The following DCAF12 variants were observed in gnomAD, a reference collection of about 807,000 sequenced individuals.
DCAF12 encodes the protein DDB1- and CUL4-associated factor 12.
Under a neutral mutation model 52.8 loss-of-function variants are expected in DCAF12, and 28 were observed. That is an observed-to-expected ratio of 0.53 (90% CI 0.39 to 0.73). DCAF12 has a LOEUF of 0.73. Among genes scored for constraint, DCAF12 ranks in the 30% least tolerant of loss-of-function variants. The pLI is 0.00. For synonymous variants in DCAF12, 196 were observed against 215.5 expected (o/e 0.91, Z 0.79); for missense variants, 425 against 552.2 (o/e 0.77, Z 2.31).
In DCAF12 at chr9:34,107,549, A is replaced by C; in HGVS notation, c.350T>G (p.Val117Gly). The C allele has an allele frequency of 1.2e-6, 2 of 1,614,128 alleles. No individual in the cohort carries two copies. ...TKCNTLFVVD[V>G]QTSQITKIPI... ...GATCTTGGTGATCTGGCTTGTCTGG[A>C]CATCTACGACAAATAGCTACAAGAA... The change falls in exon 3 of 9, where the codon GTC becomes GGC. Residue 117 changes from valine to glycine, a missense_variant. Val to Gly is a moderately radical substitution (Grantham distance 109). Coordinates refer to ENST00000361264, the MANE Select transcript of DCAF12 (RefSeq NM_015397.4).
At chr9:34,102,640 C>T (rs1828846856) in intron 4 of DCAF12, among the ~76,000 whole-genome samples, 1 of 146,000 alleles carries the variant, frequency 6.8e-6, no homozygotes, top group Admixed American at 7.1e-5. Flanking sequence ...ATGACAGAGA[C>T]TCCATCTCAA....
intron 2 of DCAF12, among the ~76,000 whole-genome samples, chr9:34,116,963 C>T (rs1050505909): frequency 6.6e-6 from 1 of 152,168 alleles, no homozygotes; most frequent in Non-Finnish European, 1.5e-5. Flanking sequence ...TGGGCAATAG[C>T]GCGAGACTCC....
intron 7 of DCAF12, among the ~76,000 whole-genome samples, chr9:34,091,693 C>T (rs1828647727): frequency 6.7e-6 from 1 of 148,294 alleles, no homozygotes; most frequent in Non-Finnish European, 1.5e-5. Flanking sequence ...AGCTACTTTG[C>T]AGTATCTGCA....
chr9:34,125,690 C>T (rs1227219318), intron 1 of DCAF12: 1 of 411,704 alleles, frequency 2.4e-6, no homozygotes, highest in Non-Finnish European at 5.2e-6. Context: ...TCCAAGGAGC[C>T]AGACCTGGCT....
At chr9:34,091,639 CAAAAAAAAAAAAA>C (rs34922785) in intron 7 of DCAF12, among the ~76,000 whole-genome samples, 1 of 80,508 alleles carries the variant, frequency 1.2e-5, no homozygotes, top group Non-Finnish European at 2.2e-5. Flanking sequence ...ACCCTGTCTT[CAAAAAAAAAAAAA>C]AAAAAAAAAC....
Position 34,093,350 on chromosome 9 carries a change from G to A in DCAF12, c.960C>T (p.Ser320=), listed in dbSNP as rs144669491. ...ATGATGGCTGCCGTGGATCCAAGAA[G>A]GAGACATGAGCTTGGGAGCCCACTG... ...VYAVGSQAHV[S]FLDPRQPSYN... The change falls in exon 7 of 9, where the codon TCC becomes TCT. Residue 320 remains serine (S), a synonymous_variant. Transcript: ENST00000361264. The A allele has an allele frequency of 2.6e-5, 42 of 1,614,236 alleles. No individual in the cohort carries two copies. In the African/African-American group the frequency reaches 5.1e-4, roughly 19 times the overall value.
At chr9:34,116,746 T>C (rs932086753) in intron 2 of DCAF12, among the ~76,000 whole-genome samples, 2 of 152,100 alleles carry the variant, frequency 1.3e-5, no homozygotes, top group Non-Finnish European at 2.9e-5. Flanking sequence ...CTTGGGAGGC[T>C]GAGGGGGGCA....
intron 1 of DCAF12, 59 bp downstream of exon 1, chr9:34,126,295 C>T (rs1829248993): frequency 1.3e-6 from 2 of 1,594,500 alleles, no homozygotes; most frequent in African/African-American, 1.3e-5. Flanking sequence ...ATCTGCGGAC[C>T]CTAAGCCCAT....
rs36066422 is a variant in DCAF12 at position 34,095,372 on chromosome 9, CTTTTTTTT to C, written c.861+1336_861+1343del. ...ATAGGCGTGAACCACCGCGCCAGGC[CTTTTTTTT>C]TTTTTTTTTTTTTTTTTTGAGATAG... On this transcript the variant is annotated intron_variant, in intron 6 of 8. Coordinates refer to ENST00000361264, the MANE Select transcript of DCAF12 (RefSeq NM_015397.4). Among the ~76,000 whole-genome samples the C allele has an allele frequency of 1.7e-3, 135 of 78,174 alleles. 4 individuals are homozygous for C. The South Asian group carries it at 0.058, about 34-fold the overall frequency. The allele number at this position is 78,174 out of a possible 152,430, so 51.3% of individuals were successfully genotyped here.
intron 8 of DCAF12, 142 bp downstream of exon 8, chr9:34,089,270 G>T: frequency 1.1e-6 from 1 of 945,148 alleles, no homozygotes; most frequent in East Asian, 2.8e-5. Flanking sequence ...GCAAAATCGG[G>T]GGAAGTCTTT....
chr9:34,110,001 T>C (rs578103513), intron 2 of DCAF12: 1 of 148,598 alleles, frequency 6.7e-6, no homozygotes, highest in East Asian at 1.9e-4. Context: ...TTATATATAA[T>C]TATATATGTA....
At chr9:34,125,370 C>T (rs1220660300) in intron 1 of DCAF12, 93 bp from the exon 2 acceptor site, 11 of 1,406,442 alleles carry the variant, frequency 7.8e-6, no homozygotes, top group Non-Finnish European at 9.7e-6. Flanking sequence ...ATAACTCATA[C>T]TGCAGAATTT....
chr9:34,096,884 C>T lies in DCAF12; in HGVS notation c.796-103G>A, dbSNP rs191823333. On this transcript the variant is annotated intron_variant, in intron 5 of 8. Coordinates refer to ENST00000361264, the MANE Select transcript of DCAF12 (RefSeq NM_015397.4). Reference sequence around the variant, plus strand: ...AGGTCAGGGTCCTTTATTCCTGTCTCGTGATGATTCCAGCAGAGGTGCCAG... The same window carrying T: ...AGGTCAGGGTCCTTTATTCCTGTCTTGTGATGATTCCAGCAGAGGTGCCAG... The T allele has an allele frequency of 2.0e-4, 198 of 986,118 alleles. 2 individuals carry two copies. In the Admixed American group the frequency reaches 3.9e-3, roughly 19 times the overall value. The allele number at this position is 986,118 out of a possible 1,614,324, so 61.1% of individuals were successfully genotyped here.
chr9:34,126,548 A>T lies in DCAF12; in HGVS notation c.-117T>A. On this transcript the variant is annotated 5_prime_UTR_variant, in exon 1 of 9. Coordinates refer to ENST00000361264, the MANE Select transcript of DCAF12 (RefSeq NM_015397.4). ...GCGCACCTTAGTGCGCCCGGCCCGG[A>T]AAATGGCCCGGACCCGGAGCGGCAG... is the stretch of plus-strand genomic sequence containing the variant. The T allele has an allele frequency of 8.7e-7, 1 of 1,154,724 alleles. No homozygotes were observed. Among genetic ancestry groups the T allele is most frequent in the Non-Finnish European group, 1.2e-6 (1 of 843,982 alleles). The allele number at this position is 1,154,724 out of a possible 1,614,324, so 71.5% of individuals were successfully genotyped here.
chr9:34,097,807 C>A (rs1347132169), intron 5 of DCAF12, among the ~76,000 whole-genome samples: 3 of 151,976 alleles, frequency 2.0e-5, no homozygotes, highest in African/African-American at 7.2e-5. Flanking sequence ...GCGGTGCATG[C>A]CTGTAGTCCC....
intron 2 of DCAF12, among the ~76,000 whole-genome samples, chr9:34,121,477 A>G (rs1031959773): frequency 1.3e-5 from 2 of 152,160 alleles, no homozygotes; most frequent in Admixed American, 6.5e-5. Flanking sequence ...ACAAGCAACT[A>G]TATCTGACTT....
intron 2 of DCAF12, among the ~76,000 whole-genome samples, chr9:34,115,923 C>A (rs1217081435): frequency 1.3e-5 from 2 of 152,186 alleles, no homozygotes; most frequent in African/African-American, 4.8e-5. Flanking sequence ...CATGAATATA[C>A]TGACATTAAT....
chr9:34,088,659 T>C, intron 8 of DCAF12, 151 bp from the exon 9 acceptor site: 1 of 826,552 alleles, frequency 1.2e-6, no homozygotes, highest in Non-Finnish European at 1.9e-6. Context: ...TTGGTTCTCA[T>C]GGGAATCAGG....
At chr9:34,088,709 A>G (rs1169271309) in intron 8 of DCAF12, among the ~76,000 whole-genome samples, 1 of 152,218 alleles carries the variant, frequency 6.6e-6, no homozygotes, top group Non-Finnish European at 1.5e-5. Context: ...AGAACGGAGC[A>G]GCTGAAGAAT....
Sources: gnomAD v4.1 joint callset for allele counts (sites outside exome capture counted in the v4.1 genomes callset) on GRCh38, gnomAD v4.1.1 for gene constraint, MANE v1.5 for transcripts, NCBI Gene and HGNC (gene_info 2026-07-23, HGNC 2026-07-21) for gene names.